TCF20: variants seen among roughly 807,000 people sequenced by gnomAD.
TCF20 encodes SPRE-binding protein.
TCF20 carries 3 observed loss-of-function variants against 148.6 expected under a neutral mutation model. The ratio of observed to expected loss-of-function variants is 0.02; its 90% CI spans 0.01 to 0.05. The LOEUF (loss-of-function observed/expected upper bound fraction) is 0.05, where lower values mean the gene tolerates loss of function less well. TCF20 is among the 10% of genes least tolerant of loss of function. TCF20 has a pLI of 1.00. For missense variants in TCF20, 2,350 were observed against 2,429.3 expected, an observed-to-expected ratio of 0.97 and a Z score of 0.69; for synonymous variants, 1,049 against 909.5, an observed-to-expected ratio of 1.15 and a Z score of -2.76.
chr22:42,221,394 T>C (rs552013122), intron 1 of TCF20, among the ~76,000 whole-genome samples: 3 of 152,156 alleles, frequency 2.0e-5, no homozygotes, highest in Admixed American at 6.5e-5. Flanking sequence ...ATGATACAAT[T>C]AAACACTCCT....
At chr22:42,253,410 T>C (rs1161137661) in intron 1 of TCF20, among the ~76,000 whole-genome samples, 1 of 152,130 alleles carries the variant, frequency 6.6e-6, no homozygotes, top group African/African-American at 2.4e-5. Flanking sequence ...AAAAATAAAG[T>C]AGAGATAATG....
chr22:42,168,032 ATTT>A (rs1319960199), intron 5 of TCF20, among the ~76,000 whole-genome samples: 2 of 151,876 alleles, frequency 1.3e-5, no homozygotes, highest in Non-Finnish European at 2.9e-5. Flanking sequence ...CAGCCTCGAG[ATTT>A]TTAAGAGTAA....
At chr22:42,243,778 T>G (rs1924674100) in intron 1 of TCF20, among the ~76,000 whole-genome samples, 1 of 152,190 alleles carries the variant, frequency 6.6e-6, no homozygotes, top group South Asian at 2.1e-4. Context: ...ATTTTTTCTG[T>G]AAACCTAAAA....
chr22:42,242,318 A>G lies in TCF20; in HGVS notation c.-36-26977T>C, dbSNP rs918812900. Among the ~76,000 whole-genome samples, 6 of 151,752 alleles carry G rather than the reference A, an allele frequency of 4.0e-5. No individual in the cohort carries two copies. In the East Asian group the frequency reaches 1.2e-3, roughly 29 times the overall value. On this transcript the variant is annotated intron_variant, in intron 1 of 5. Coordinates refer to ENST00000677622, the MANE Select transcript of TCF20 (RefSeq NM_001378418.1). The stretch of plus-strand genomic sequence containing the variant: ...GGGAATGGAGGCAAGGCAGTAAGTG[A>G]GGAGAAGTATTGGGAATTTTCCAGA...
chr22:42,169,112 G>A (rs966341426), intron 4 of TCF20, among the ~76,000 whole-genome samples: 1 of 150,918 alleles, frequency 6.6e-6, no homozygotes, highest in Non-Finnish European at 1.5e-5. Flanking sequence ...TTAAGACTGC[G>A]AGTGACCAGT....
intron 1 of TCF20, among the ~76,000 whole-genome samples, chr22:42,331,338 C>T (rs1321627859): frequency 6.6e-6 from 1 of 152,238 alleles, no homozygotes; most frequent in African/African-American, 2.4e-5. Flanking sequence ...CAGAGACCTA[C>T]TGTGTGCTCC....
intron 1 of TCF20, among the ~76,000 whole-genome samples, chr22:42,322,893 G>A (rs375630558): frequency 6.8e-6 from 1 of 147,346 alleles, no homozygotes; most frequent in African/African-American, 2.5e-5. Flanking sequence ...TCATTTTCTG[G>A]TTTTTTTTTT....
chr22:42,267,863 A>G (rs1229424359), intron 1 of TCF20, among the ~76,000 whole-genome samples: 2 of 151,894 alleles, frequency 1.3e-5, no homozygotes, highest in Non-Finnish European at 2.9e-5. Flanking sequence ...AAAGTGATCT[A>G]GCCCAGGCGC....
chr22:42,247,166 G>A (rs551058348), intron 1 of TCF20, among the ~76,000 whole-genome samples: 7 of 151,842 alleles, frequency 4.6e-5, no homozygotes, highest in East Asian at 2.0e-4. Context: ...CAGGCTGCAC[G>A]CGGTGGCTCA....
chr22:42,212,078 G>T lies in TCF20; in HGVS notation c.3228C>A (p.Asn1076Lys), dbSNP rs537436503. 1.2e-6 allele frequency: 2 copies of T among 1,614,122 alleles called. No individual in the cohort carries two copies. The highest frequency in any genetic ancestry group is 1.7e-5 in the Admixed American group (1 of 60,024). The part of the protein sequence containing the change: ...NTRAHAYGDP[N>K]AGLNSQLHYK... The stretch of plus-strand genomic sequence containing the variant: ...AATGCAGCTGAGAATTCAAACCTGC[G>T]TTAGGGTCCCCATAAGCATGAGCCC... The change falls in exon 2 of 6, where the codon AAC becomes AAA. Residue 1076 changes from asparagine (N) to lysine (K), a missense_variant. Asn to Lys is a moderately conservative substitution (Grantham distance 94). Transcript: ENST00000677622.
chr22:42,304,115 A>G (rs1927390424), intron 1 of TCF20, among the ~76,000 whole-genome samples: 1 of 151,882 alleles, frequency 6.6e-6, no homozygotes, highest in Non-Finnish European at 1.5e-5. Context: ...GCCATATTTC[A>G]GGCTGATATG....
At chr22:42,185,672 C>G (rs1937010377) in intron 2 of TCF20, among the ~76,000 whole-genome samples, 1 of 152,224 alleles carries the variant, frequency 6.6e-6, no homozygotes, top group Non-Finnish European at 1.5e-5. Context: ...TTTGATGCAA[C>G]TCTGCATCCT....
chr22:42,210,033 T>C lies in TCF20; in HGVS notation c.5273A>G (p.Asn1758Ser), dbSNP rs993817681. The change falls in exon 2 of 6, where the codon AAT (asparagine) becomes AGT (serine). Residue 1758 changes from asparagine to serine, a missense_variant. Transcript: ENST00000677622. This position sits in a 1 kb window ranked among gnomAD's most constrained non-coding sequence, Gnocchi z 4.7. ...KVKVRHKSAS[N>S]GSKTDTEEEE... is the part of the protein sequence containing the mutation. ...CTCCTCAGTGTCCGTCTTGGAGCCA[T>C]TAGAAGCACTTTTGTGCCGTACCTT... The C allele has an allele frequency of 1.9e-6, 3 of 1,612,782 alleles. No homozygotes were observed. Among genetic ancestry groups the C allele is most frequent in the Admixed American group, 1.7e-5 (1 of 60,008 alleles).
intron 1 of TCF20, among the ~76,000 whole-genome samples, chr22:42,310,575 G>C (rs542756024): frequency 2.6e-5 from 4 of 152,312 alleles, no homozygotes; most frequent in Admixed American, 2.6e-4. Context: ...TCCAGGCAGA[G>C]CCCTGAGGAG....
chr22:42,245,742 C>T (rs1924849887), intron 1 of TCF20, among the ~76,000 whole-genome samples: 1 of 152,034 alleles, frequency 6.6e-6, no homozygotes, highest in African/African-American at 2.4e-5. Context: ...TGTTTTCTAG[C>T]GCCTTTCCCT....
intron 5 of TCF20, among the ~76,000 whole-genome samples, chr22:42,167,016 G>A (rs1233022251): frequency 6.6e-6 from 1 of 152,188 alleles, no homozygotes; most frequent in Non-Finnish European, 1.5e-5. Flanking sequence ...CCAGGAAAAG[G>A]AGCAGGCAGT....
intron 2 of TCF20, among the ~76,000 whole-genome samples, chr22:42,194,466 T>C (rs1174880923): frequency 6.6e-6 from 1 of 152,182 alleles, no homozygotes; most frequent in Admixed American, 6.5e-5. Flanking sequence ...TGCACAATGT[T>C]CCTCAGGTCT....
chr22:42,212,043 T>C lies in TCF20; in HGVS notation c.3263A>G (p.Gln1088Arg), dbSNP rs772661289. 1.9e-6 allele frequency: 3 copies of C among 1,614,200 alleles called. No individual in the cohort carries two copies. The highest frequency in any genetic ancestry group is 2.5e-6 in the Non-Finnish European group (3 of 1,180,034). Reference protein sequence around the residue: ...GLNSQLHYKRQMYQQQPEEYK... With the variant: ...GLNSQLHYKRRMYQQQPEEYK... ...CTCCTCTGGTTGCTGTTGGTACATC[T>C]GTCTCTTATAATGCAGCTGAGAATT... Residue 1088 changes from glutamine (Q) to arginine (R), a missense_variant, in exon 2 of 6, where the codon CAG (glutamine) becomes CGG (arginine). Transcript: ENST00000677622.
rs912513758 is a variant in TCF20, at chr22:42,292,338, G to A, written c.-37+51141C>T. On this transcript the variant is annotated intron_variant, in intron 1 of 1. Coordinates refer to the TCF20 transcript ENST00000515426. The surrounding 1 kb of genome is among the most constrained non-coding windows in gnomAD (Gnocchi z 4.9). Reference sequence around the variant, plus strand: ...GGCCCCAGTGCTAAAATCAGGCCACGTGCACTAGGTCAAGGATGCCACAGA... The same window carrying A: ...GGCCCCAGTGCTAAAATCAGGCCACATGCACTAGGTCAAGGATGCCACAGA... Among the ~76,000 whole-genome samples the A allele has an allele frequency of 3.3e-5, 5 of 152,168 alleles. No homozygotes were observed. Among genetic ancestry groups the A allele is most frequent in the African/African-American group, 7.2e-5 (3 of 41,440 alleles).
Sources: allele counts gnomAD v4.1 joint callset (sites outside exome capture counted in the v4.1 genomes callset), GRCh38; gene constraint gnomAD v4.1.1; non-coding constraint Gnocchi (gnomAD v3.1); transcripts MANE v1.5; gene names NCBI Gene and HGNC (gene_info 2026-07-23, HGNC 2026-07-21).